Variants in OTUD7A observed in about 807,000 individuals in gnomAD.
The protein encoded by OTUD7A is OTU domain-containing protein 7A.
OTUD7A carries 12 observed loss-of-function variants against 65.7 expected under a neutral mutation model. The ratio of observed to expected loss-of-function variants is 0.18; its 90% CI spans 0.12 to 0.30. The LOEUF is 0.30. Ranked by LOEUF, OTUD7A falls within the 10% of genes least tolerant of loss-of-function variation. The pLI, the probability that OTUD7A is intolerant of heterozygous loss-of-function variation, is 1.00. For synonymous variants in OTUD7A, 641 were observed against 586.3 expected (o/e 1.09, Z -1.35); for missense variants, 1,148 against 1,304.8 (o/e 0.88, Z 1.85).
rs149316446 is a variant in OTUD7A, at chr15:31,799,549, G to A, written c.-100+70958C>T. On this transcript the variant is annotated intron_variant, in intron 1 of 12. Transcript: ENST00000307050. The stretch of plus-strand genomic sequence containing the variant: ...GAGATTCTGTCCCCTCTCTCTCCAC[G>A]TGCATGCTTAGGAGAAAGGCCATGT... Among the ~76,000 whole-genome samples the A allele has an allele frequency of 1.3e-3, 204 of 152,220 alleles. 2 individuals are homozygous for A. The highest frequency in any genetic ancestry group is 4.7e-3 in the African/African-American group (195 of 41,520).
At chr15:31,513,090 C>T (rs529612243) in intron 8 of OTUD7A, among the ~76,000 whole-genome samples, 208 of 152,170 alleles carry the variant, frequency 1.4e-3, no homozygotes, top group African/African-American at 4.7e-3. Context: ...AGGCTGGTCT[C>T]GAACTCCTGG....
rs144295571 is a variant in OTUD7A at position 31,570,102 on chromosome 15, C to G, written c.247G>C (p.Gly83Arg). Residue 83 changes from glycine (G) to arginine (R), a missense_variant, in exon 4 of 13, where the codon GGT (glycine) becomes CGT (arginine). Coordinates refer to ENST00000307050, the MANE Select transcript of OTUD7A (RefSeq NM_001382637.1). ...GGCTCTCGCTCTGGCTGCTTGGGAC[C>G]CCGCCCTTCATTGAACACATGTGGC... The part of the protein sequence containing the change: ...NLPHVFNEGR[G>R]PKQPEREPQP... The G allele has an allele frequency of 6.2e-7, 1 of 1,614,190 alleles. No individual in the cohort carries two copies. Among genetic ancestry groups the G allele is most frequent in the South Asian group, 1.1e-5 (1 of 91,078 alleles).
intron 3 of OTUD7A, among the ~76,000 whole-genome samples, chr15:31,653,212 G>A (rs1260794251): frequency 4.0e-5 from 6 of 150,980 alleles, no homozygotes; most frequent in Middle Eastern, 3.4e-3. Flanking sequence ...CCGAGATAGC[G>A]CCACTGCACT....
chr15:31,854,991 AT>A (rs1897530982), intron 1 of OTUD7A, among the ~76,000 whole-genome samples: 1 of 152,226 alleles, frequency 6.6e-6, no homozygotes, highest in South Asian at 2.1e-4. Flanking sequence ...AGCAAATGAA[AT>A]GGAGAAGAAT....
At chr15:31,788,814 C>T (rs1168692987) in intron 1 of OTUD7A, among the ~76,000 whole-genome samples, 2 of 152,196 alleles carry the variant, frequency 1.3e-5, no homozygotes, top group African/African-American at 4.8e-5. Flanking sequence ...CTTCAGAGCT[C>T]TTTGTAGTTT....
intron 8 of OTUD7A, among the ~76,000 whole-genome samples, chr15:31,509,988 A>G (rs957265570): frequency 1.6e-5 from 1 of 62,534 alleles, no homozygotes; most frequent in African/African-American, 6.5e-5. Context: ...CCTCTCTGTC[A>G]TTTTTTGTTT....
At chr15:31,742,357 T>A (rs1894365408) in intron 1 of OTUD7A, among the ~76,000 whole-genome samples, 1 of 152,146 alleles carries the variant, frequency 6.6e-6, no homozygotes, top group East Asian at 1.9e-4. Context: ...AAGGATGGTT[T>A]AACACTACAA....
chr15:31,810,573 A>G (rs1896391757), intron 1 of OTUD7A, among the ~76,000 whole-genome samples: 1 of 152,166 alleles, frequency 6.6e-6, no homozygotes, highest in East Asian at 1.9e-4. Context: ...ACCAGAAACT[A>G]GCCCTGCCAG....
At chr15:31,640,798 A>G (rs1159602356) in intron 3 of OTUD7A, among the ~76,000 whole-genome samples, 1 of 152,146 alleles carries the variant, frequency 6.6e-6, no homozygotes, top group African/African-American at 2.4e-5. Flanking sequence ...AGTCAAGCAC[A>G]TTAGCTTATT....
intron 5 of OTUD7A, among the ~76,000 whole-genome samples, chr15:31,537,488 C>T (rs191231386): frequency 4.6e-5 from 7 of 152,270 alleles, no homozygotes; most frequent in Non-Finnish European, 1.0e-4. Context: ...ATGAGAAATG[C>T]AAGTAAGGGC....
intron 8 of OTUD7A, among the ~76,000 whole-genome samples, chr15:31,506,277 T>TA (rs2141088173): frequency 6.6e-6 from 1 of 152,254 alleles, no homozygotes; most frequent in African/African-American, 2.4e-5. Flanking sequence ...TGGTAGGTCC[T>TA]AATTGCTTAG....
intron 5 of OTUD7A, among the ~76,000 whole-genome samples, chr15:31,541,314 T>C (rs1887980493): frequency 6.6e-6 from 1 of 152,190 alleles, no homozygotes; most frequent in Non-Finnish European, 1.5e-5. Flanking sequence ...GAAAGCAACT[T>C]TTAAAAACCA....
chr15:31,682,268 G>C (rs1372465269), intron 1 of OTUD7A, among the ~76,000 whole-genome samples: 3 of 152,186 alleles, frequency 2.0e-5, no homozygotes, highest in Non-Finnish European at 1.5e-5. Context: ...GAGATGTATT[G>C]TTTTTATGGA....
intron 1 of OTUD7A, among the ~76,000 whole-genome samples, chr15:31,845,986 G>A (rs10152334): frequency 0.016 from 2,371 of 152,312 alleles, 66 homozygotes; most frequent in African/African-American, 0.054. Flanking sequence ...GGATGCCAGG[G>A]ACTCAGCTGT....
At chr15:31,514,468 GTTTA>G (rs1366071964) in intron 8 of OTUD7A, among the ~76,000 whole-genome samples, 1 of 152,042 alleles carries the variant, frequency 6.6e-6, no homozygotes, top group African/African-American at 2.4e-5. Context: ...CCCTCTCCAT[GTTTA>G]TTTTCATCTT....
At chr15:31,563,059 T>G (rs1212865221) in intron 4 of OTUD7A, among the ~76,000 whole-genome samples, 1 of 152,182 alleles carries the variant, frequency 6.6e-6, no homozygotes, top group African/African-American at 2.4e-5. Flanking sequence ...GATAGAGTCC[T>G]ATTTTTTTTT....
At chr15:31,599,868 G>A (rs187017694) in intron 3 of OTUD7A, among the ~76,000 whole-genome samples, 156 of 152,086 alleles carry the variant, frequency 1.0e-3, no homozygotes, top group African/African-American at 3.5e-3. Flanking sequence ...TAGCCGAGTC[G>A]ATCAAGCGGA....
At chr15:31,716,359 T>C (rs1428866436) in intron 1 of OTUD7A, among the ~76,000 whole-genome samples, 1 of 105,186 alleles carries the variant, frequency 9.5e-6, no homozygotes, top group African/African-American at 2.7e-5. Context: ...TATTATTACA[T>C]ATGTTATTTC....
intron 1 of OTUD7A, among the ~76,000 whole-genome samples, chr15:31,824,630 A>G (rs1473104589): frequency 6.6e-6 from 1 of 152,234 alleles, no homozygotes; most frequent in Non-Finnish European, 1.5e-5. Context: ...CTGTTTTGCT[A>G]AGAAAGATGA....
Sources: gnomAD v4.1 joint callset for allele counts (sites outside exome capture counted in the v4.1 genomes callset) on GRCh38, gnomAD v4.1.1 for gene constraint, MANE v1.5 for transcripts, NCBI Gene and HGNC (gene_info 2026-07-23, HGNC 2026-07-21) for gene names.